C1orf21: variants seen among roughly 807,000 people sequenced by gnomAD.
The protein encoded by C1orf21 is chromosome 1 open reading frame 21.
C1orf21 carries 3 observed loss-of-function variants against 18.7 expected under a neutral mutation model. That is an observed-to-expected ratio of 0.16 (90% CI 0.07 to 0.42). The LOEUF is 0.42. Ranked by LOEUF, C1orf21 falls within the 10% of genes least tolerant of loss-of-function variation. The pLI is 0.99. For synonymous variants in C1orf21, 41 were observed against 46.4 expected, an observed-to-expected ratio of 0.88 and a Z score of 0.47; for missense variants, 104 against 143.6, an observed-to-expected ratio of 0.72 and a Z score of 1.41.
rs541788226 is a variant in C1orf21, at chr1:184,605,658, G to A, written c.327+7197G>A. Among the ~76,000 whole-genome samples the A allele has an allele frequency of 1.6e-4, 24 of 152,250 alleles. No individual in the cohort carries two copies. The South Asian group carries it at 5.0e-3, about 32-fold the overall frequency. ...AGAAAGAGCCCATGCTTCAAACCTGGGCCAAAGCCAAGGATTGGCTCTGGC... is the reference window on the plus strand; with the variant it reads ...AGAAAGAGCCCATGCTTCAAACCTGAGCCAAAGCCAAGGATTGGCTCTGGC... On this transcript the variant is annotated intron_variant, in intron 5 of 5. Transcript: ENST00000235307.
intron 3 of C1orf21, among the ~76,000 whole-genome samples, chr1:184,562,288 A>T (rs891788941): frequency 1.3e-5 from 2 of 152,202 alleles, no homozygotes; most frequent in African/African-American, 2.4e-5. Flanking sequence ...GTAATTTTCA[A>T]AGAGTAAATT....
rs569477905 is a variant in C1orf21, at chr1:184,397,737, T to C, written c.-125+10369T>C. Among the ~76,000 whole-genome samples the C allele has an allele frequency of 1.6e-4, 25 of 152,312 alleles. 2 individuals are homozygous for C. The highest frequency in any genetic ancestry group is 5.5e-4 in the African/African-American group (23 of 41,568). ...TTGTATAACTTATGCGAGCACCCAA[T>C]GTAGTAAAAATTTGGAGCCATGGTT... On this transcript the variant is annotated intron_variant, in intron 1 of 5. Transcript: ENST00000235307.
chr1:184,498,287 T>G (rs186913489), intron 2 of C1orf21, among the ~76,000 whole-genome samples: 11 of 152,372 alleles, frequency 7.2e-5, no homozygotes, highest in Admixed American at 2.0e-4. Flanking sequence ...GAAATTCACT[T>G]AAGACCAAAT....
intron 3 of C1orf21, among the ~76,000 whole-genome samples, chr1:184,534,325 T>C (rs531350468): frequency 1.3e-5 from 2 of 152,320 alleles, no homozygotes; most frequent in South Asian, 2.1e-4. Context: ...GAGATTTACT[T>C]TGGAATGAGG....
intron 1 of C1orf21, among the ~76,000 whole-genome samples, chr1:184,452,330 T>G (rs548234147): frequency 6.6e-6 from 1 of 152,330 alleles, no homozygotes; most frequent in South Asian, 2.1e-4. Context: ...AAGCACAATT[T>G]CTCTTCATTG....
At chr1:184,460,620 G>GTCGTCGTCGTCTTCT (rs1284129710) in intron 1 of C1orf21, among the ~76,000 whole-genome samples, 2 of 112,040 alleles carry the variant, frequency 1.8e-5, no homozygotes, top group African/African-American at 7.9e-5. Flanking sequence ...TGTCGTCGTC[G>GTCGTCGTCGTCTTCT]TCTTCTTCTT....
chr1:184,441,739 A>T (rs967338249), intron 1 of C1orf21, among the ~76,000 whole-genome samples: 28 of 152,240 alleles, frequency 1.8e-4, no homozygotes. Flanking sequence ...AATTGATTGA[A>T]AATTTATTTG....
intron 3 of C1orf21, among the ~76,000 whole-genome samples, chr1:184,545,727 T>C (rs1658718854): frequency 6.6e-6 from 1 of 152,198 alleles, no homozygotes; most frequent in Non-Finnish European, 1.5e-5. Flanking sequence ...GCAAGAATTC[T>C]TGTTGCAACA....
chr1:184,503,077 CAA>C (rs199599189), intron 2 of C1orf21, among the ~76,000 whole-genome samples: 14 of 61,632 alleles, frequency 2.3e-4, no homozygotes, highest in African/African-American at 6.8e-4. Context: ...GAAACTGTCT[CAA>C]AAAAAAAAAA....
At chr1:184,403,611 T>G (rs1424694307) in intron 1 of C1orf21, among the ~76,000 whole-genome samples, 3 of 152,182 alleles carry the variant, frequency 2.0e-5, no homozygotes, top group Non-Finnish European at 4.4e-5. Context: ...ATGTGATTAT[T>G]TCATAACAAA....
chr1:184,568,430 A>G (rs772900141), intron 3 of C1orf21: 1 of 470,558 alleles, frequency 2.1e-6, no homozygotes, highest in Non-Finnish European at 4.4e-6. Context: ...TTCTGTCTCC[A>G]TGAATTTGAC....
chr1:184,471,077 T>C (rs528220570), intron 1 of C1orf21, among the ~76,000 whole-genome samples: 1 of 152,248 alleles, frequency 6.6e-6, no homozygotes, highest in African/African-American at 2.4e-5. Flanking sequence ...CATGAGCTCA[T>C]GTCAACATAC....
chr1:184,502,818 C>A (rs1486640893), intron 2 of C1orf21, among the ~76,000 whole-genome samples: 2 of 151,986 alleles, frequency 1.3e-5, no homozygotes, highest in Non-Finnish European at 2.9e-5. Flanking sequence ...TGGCTTACAC[C>A]TGTAATTCCA....
chr1:184,517,845 A>G (rs1057379313), intron 3 of C1orf21, among the ~76,000 whole-genome samples: 12 of 152,146 alleles, frequency 7.9e-5, no homozygotes, highest in Admixed American at 4.6e-4. Context: ...CAAAGATCTC[A>G]TGGTTCTAAC....
At chr1:184,551,342 G>A (rs1021041059) in intron 3 of C1orf21, among the ~76,000 whole-genome samples, 12 of 152,158 alleles carry the variant, frequency 7.9e-5, no homozygotes, top group East Asian at 1.9e-4. Flanking sequence ...GAAACCACAA[G>A]GGAAAGAATT....
chr1:184,614,419 A>T (rs1338595828), intron 5 of C1orf21, among the ~76,000 whole-genome samples: 1 of 152,190 alleles, frequency 6.6e-6, no homozygotes, highest in African/African-American at 2.4e-5. Flanking sequence ...GGATGTGTGT[A>T]TTGGGCTGAA....
chr1:184,617,904 G>GTTTTT (rs142357373), intron 5 of C1orf21, among the ~76,000 whole-genome samples: 2 of 87,486 alleles, frequency 2.3e-5, no homozygotes, highest in Non-Finnish European at 4.6e-5. Context: ...TGTTGTTGTT[G>GTTTTT]TTTTTTTTTT....
chr1:184,487,739 C>A (rs2101954508), intron 2 of C1orf21, among the ~76,000 whole-genome samples: 1 of 152,316 alleles, frequency 6.6e-6, no homozygotes, highest in South Asian at 2.1e-4. Context: ...AGATTGTTTT[C>A]AGATCCTGGC....
intron 1 of C1orf21, among the ~76,000 whole-genome samples, chr1:184,390,476 T>C (rs996071760): frequency 1.3e-5 from 2 of 152,178 alleles, no homozygotes; most frequent in African/African-American, 4.8e-5. Context: ...TTGCCTCCAG[T>C]TTTTTAGGAA....
Sources: allele counts gnomAD v4.1 joint callset (sites outside exome capture counted in the v4.1 genomes callset), GRCh38; gene constraint gnomAD v4.1.1; transcripts MANE v1.5; gene names NCBI Gene and HGNC (gene_info 2026-07-23, HGNC 2026-07-21).